Variants in IFT25 observed in about 807,000 individuals in gnomAD.
The protein encoded by IFT25 is intraflagellar transport 25.
chr1:53,943,135 G>C, the IFT25 span, among the ~76,000 whole-genome samples: 1 of 152,150 alleles, frequency 6.6e-6, no homozygotes. Context: ...TTTTAAGCAG[G>C]AAGACTTTGG....
At chr1:53,921,894 C>T in the IFT25 span, 1 of 631,532 alleles carries the variant, frequency 1.6e-6, no homozygotes, top group Non-Finnish European at 2.9e-6. Context: ...ATAAGGCCAG[C>T]TACATATAAT....
the IFT25 span, among the ~76,000 whole-genome samples, chr1:53,935,046 T>A: frequency 6.6e-6 from 1 of 152,206 alleles, no homozygotes; most frequent in Admixed American, 6.5e-5. Flanking sequence ...CTGGGGGTTG[T>A]GGCTTACGCC....
At chr1:53,924,013 T>G in the IFT25 span, 1 of 1,004,350 alleles carries the variant, frequency 1.0e-6, no homozygotes, top group Non-Finnish European at 1.6e-6. Flanking sequence ...GCTATTGAAA[T>G]TTATGTTCAG....
the IFT25 span, among the ~76,000 whole-genome samples, chr1:53,936,531 C>T: frequency 1.3e-5 from 2 of 152,110 alleles, no homozygotes; most frequent in African/African-American, 4.8e-5. Flanking sequence ...CTTTTAAATA[C>T]GAATTTATAG....
At chr1:53,931,932 GATT>G in the IFT25 span, among the ~76,000 whole-genome samples, 1 of 152,032 alleles carries the variant, frequency 6.6e-6, no homozygotes, top group Non-Finnish European at 1.5e-5. Context: ...TGAAAATTTA[GATT>G]ATTGGTTTTA....
chr1:53,934,209 G>A, the IFT25 span, among the ~76,000 whole-genome samples: 72 of 152,220 alleles, frequency 4.7e-4, no homozygotes, highest in Non-Finnish European at 8.8e-4. Flanking sequence ...TACTTGTGAT[G>A]AAAAATGCCT....
the IFT25 span, among the ~76,000 whole-genome samples, chr1:53,922,450 C>A: frequency 6.6e-6 from 1 of 151,538 alleles, no homozygotes; most frequent in Non-Finnish European, 1.5e-5. Flanking sequence ...AAGAAGTTTC[C>A]TTTGGTTAAT....
the IFT25 span, among the ~76,000 whole-genome samples, chr1:53,936,002 C>CT: frequency 6.6e-6 from 1 of 152,018 alleles, no homozygotes; most frequent in African/African-American, 2.4e-5. Flanking sequence ...TGGCTCATGC[C>CT]TGTAATCCCA....
chr1:53,935,311 A>G, the IFT25 span, among the ~76,000 whole-genome samples: 1 of 152,222 alleles, frequency 6.6e-6, no homozygotes, highest in South Asian at 2.1e-4. Context: ...ACCAGTCACA[A>G]AAGACCACAT....
chr1:53,944,696 G>C, the IFT25 span, among the ~76,000 whole-genome samples: 2 of 152,130 alleles, frequency 1.3e-5, no homozygotes, highest in Admixed American at 1.3e-4. Flanking sequence ...CACCCCTTTA[G>C]AGCAAGGCAA....
At chr1:53,930,153 T>G in the IFT25 span, 3 of 1,544,128 alleles carry the variant, frequency 1.9e-6, no homozygotes, top group Non-Finnish European at 2.6e-6. Context: ...TTCCTATTGT[T>G]AATTTTAAAG....
chr1:53,916,618 T>G, the IFT25 span: 2 of 264,058 alleles, frequency 7.6e-6, no homozygotes, highest in Middle Eastern at 1.2e-3. Flanking sequence ...TTGCTATAAT[T>G]CACATTCCTT....
the IFT25 span, among the ~76,000 whole-genome samples, chr1:53,920,450 A>C: frequency 1.4e-5 from 2 of 145,146 alleles, no homozygotes; most frequent in African/African-American, 5.2e-5. Flanking sequence ...TATCCTCTTG[A>C]CATTATCCAT....
At chr1:53,944,386 T>C in the IFT25 span, among the ~76,000 whole-genome samples, 6 of 152,214 alleles carry the variant, frequency 3.9e-5, no homozygotes, top group African/African-American at 1.4e-4. Context: ...GGCAGGCGCC[T>C]GTAATCCCAG....
the IFT25 span, chr1:53,930,232 T>A: frequency 7.8e-4 from 969 of 1,240,320 alleles, 2 homozygotes; most frequent in Non-Finnish European, 9.3e-4. Context: ...TTTTTAAAAT[T>A]AAATGACTAC....
chr1:53,928,396 C>A, the IFT25 span: 1 of 1,613,448 alleles, frequency 6.2e-7, no homozygotes, highest in South Asian at 1.1e-5. Context: ...TGCTCAAAAT[C>A]AACTGGCTCT....
the IFT25 span, among the ~76,000 whole-genome samples, chr1:53,938,577 C>A: frequency 6.6e-6 from 1 of 152,194 alleles, no homozygotes; most frequent in Non-Finnish European, 1.5e-5. Context: ...ACCTCTGTTA[C>A]AACCAGTTCT....
the IFT25 span, chr1:53,928,587 T>C: frequency 1.7e-6 from 1 of 583,740 alleles, no homozygotes; most frequent in African/African-American, 1.9e-5. Context: ...TTACTCTGTA[T>C]GTTTCCAAAA....
At chr1:53,935,534 G>A in the IFT25 span, among the ~76,000 whole-genome samples, 4 of 150,524 alleles carry the variant, frequency 2.7e-5, no homozygotes, top group Non-Finnish European at 5.9e-5. Context: ...TAGGCTGGAA[G>A]CCACTGAATT....
Sources: allele counts gnomAD v4.1 joint callset (sites outside exome capture counted in the v4.1 genomes callset), GRCh38; gene constraint gnomAD v4.1.1; transcripts MANE v1.5; gene names NCBI Gene and HGNC (gene_info 2026-07-23, HGNC 2026-07-21).